PDE7B: variants seen among roughly 807,000 people sequenced by gnomAD.
PDE7B encodes 3',5'-cyclic-AMP phosphodiesterase 7B.
Under a neutral mutation model 56.2 loss-of-function variants are expected in PDE7B, and 29 were observed. The observed-to-expected ratio is 0.52, with a 90% CI of 0.38 to 0.70. The LOEUF is 0.70. PDE7B is among the 30% of genes least tolerant of loss of function. PDE7B has a pLI of 0.00. For synonymous variants in PDE7B, 197 were observed against 196.9 expected (o/e 1.00, Z 0.00); for missense variants, 490 against 565.0 (o/e 0.87, Z 1.35).
At chr6:135,948,078 A>T (rs921273846) in intron 2 of PDE7B, among the ~76,000 whole-genome samples, 4 of 151,996 alleles carry the variant, frequency 2.6e-5, no homozygotes, top group African/African-American at 4.8e-5. Flanking sequence ...CTTTTAATAT[A>T]TACTGTTAGG....
rs188732267 is a variant in PDE7B, at chr6:135,898,258, C to G, written c.21+46239C>G. On this transcript the variant is annotated intron_variant, in intron 1 of 12. Coordinates refer to ENST00000308191, the MANE Select transcript of PDE7B (RefSeq NM_018945.4). ...GTTTTCATTGTCTGCTAAAAGACTTCATGTAAACCCCAGAAGAAATTTATT... is the reference window on the plus strand; with the variant it reads ...GTTTTCATTGTCTGCTAAAAGACTTGATGTAAACCCCAGAAGAAATTTATT... 7.2e-3 allele frequency among the ~76,000 whole-genome samples: 1,103 copies of G among 152,252 alleles called. 11 individuals are homozygous for G. Among genetic ancestry groups the G allele is most frequent in the African/African-American group, 0.025 (1,041 of 41,548 alleles).
intron 8 of PDE7B, among the ~76,000 whole-genome samples, chr6:136,168,550 A>C (rs1778831888): frequency 6.6e-6 from 1 of 152,178 alleles, no homozygotes; most frequent in African/African-American, 2.4e-5. Context: ...AAATTTTGTC[A>C]AATAAACAGG....
intron 11 of PDE7B, among the ~76,000 whole-genome samples, chr6:136,185,584 C>T (rs1253086834): frequency 1.3e-5 from 2 of 151,730 alleles, no homozygotes; most frequent in East Asian, 3.9e-4. Flanking sequence ...GAGATCCTAT[C>T]TCTATTTAAA....
chr6:135,980,288 AT>A (rs1431926583), intron 2 of PDE7B, among the ~76,000 whole-genome samples: 5 of 152,200 alleles, frequency 3.3e-5, no homozygotes, highest in African/African-American at 1.2e-4. Flanking sequence ...ACAAAAATCA[AT>A]TCAAGATGGA....
At chr6:136,157,930 T>C (rs1360823612) in intron 8 of PDE7B, among the ~76,000 whole-genome samples, 3 of 152,198 alleles carry the variant, frequency 2.0e-5, no homozygotes, top group Non-Finnish European at 4.4e-5. Flanking sequence ...CTGATCAGTG[T>C]GTTGTGCATA....
intron 6 of PDE7B, 72 bp from the exon 7 acceptor site, chr6:136,154,003 C>T: frequency 2.1e-6 from 2 of 946,358 alleles, no homozygotes; most frequent in Non-Finnish European, 3.4e-6. Context: ...AAAAAGCACC[C>T]ACAGTAAGTC....
chr6:135,923,372 G>T (rs570436203), intron 1 of PDE7B, among the ~76,000 whole-genome samples: 6 of 151,930 alleles, frequency 3.9e-5, no homozygotes, highest in Non-Finnish European at 5.9e-5. Context: ...AATCTGTAAG[G>T]TATATAGAGA....
intron 1 of PDE7B, among the ~76,000 whole-genome samples, chr6:135,938,249 A>G (rs948408400): frequency 1.3e-5 from 2 of 152,212 alleles, no homozygotes; most frequent in African/African-American, 4.8e-5. Flanking sequence ...ATGACTGTAT[A>G]TAAGTGAAAT....
chr6:135,900,530 A>G (rs1331078321), intron 1 of PDE7B, among the ~76,000 whole-genome samples: 2 of 151,502 alleles, frequency 1.3e-5, no homozygotes, highest in Non-Finnish European at 2.9e-5. Context: ...TTTTCTTTCA[A>G]TTCTACCCTA....
At chr6:135,981,281 T>C (rs1386582092) in intron 2 of PDE7B, among the ~76,000 whole-genome samples, 2 of 95,988 alleles carry the variant, frequency 2.1e-5, no homozygotes, top group African/African-American at 8.1e-5. Context: ...GTGGGGACTG[T>C]TGTGGGGTGG....
At chr6:135,855,846 A>G (rs1158358752) in intron 1 of PDE7B, among the ~76,000 whole-genome samples, 1 of 152,192 alleles carries the variant, frequency 6.6e-6, no homozygotes, top group Non-Finnish European at 1.5e-5. Flanking sequence ...TGGTGTCAAC[A>G]TGGTAGGAAA....
chr6:136,008,103 A>G (rs1459735769), intron 2 of PDE7B, among the ~76,000 whole-genome samples: 1 of 150,964 alleles, frequency 6.6e-6, no homozygotes, highest in African/African-American at 2.4e-5. Flanking sequence ...TTGTCGTTGC[A>G]ATAGTTTGCT....
chr6:136,106,999 A>G (rs1414470246), intron 2 of PDE7B, among the ~76,000 whole-genome samples: 1 of 152,246 alleles, frequency 6.6e-6, no homozygotes, highest in Non-Finnish European at 1.5e-5. Flanking sequence ...TTTCATATCA[A>G]TATGGCAATG....
At chr6:136,064,509 G>T (rs1045761021) in intron 2 of PDE7B, 1 of 152,170 alleles carries the variant, frequency 6.6e-6, no homozygotes, top group Non-Finnish European at 1.5e-5. Flanking sequence ...CATGGAGACA[G>T]TTCCTCTCCT....
chr6:135,943,679 TA>T (rs1389727290), intron 1 of PDE7B, among the ~76,000 whole-genome samples: 4 of 152,184 alleles, frequency 2.6e-5, no homozygotes, highest in African/African-American at 4.8e-5. Flanking sequence ...GCTTAGCCCA[TA>T]ATGTGGGCAC....
At chr6:136,087,909 TAAATAAATA>T (rs1377634891) in intron 2 of PDE7B, among the ~76,000 whole-genome samples, 1 of 152,220 alleles carries the variant, frequency 6.6e-6, no homozygotes, top group Non-Finnish European at 1.5e-5. Flanking sequence ...CTTGGAAATT[TAAATAAATA>T]AAATAAATAA....
At chr6:136,034,170 T>C (rs2128209260) in intron 2 of PDE7B, 1 of 152,356 alleles carries the variant, frequency 6.6e-6, no homozygotes, top group African/African-American at 2.4e-5. Context: ...TTCTCTAGAA[T>C]TGTTAGAAAT....
intron 1 of PDE7B, among the ~76,000 whole-genome samples, chr6:135,870,624 T>C (rs1321032863): frequency 2.0e-5 from 3 of 151,628 alleles, no homozygotes; most frequent in Non-Finnish European, 4.4e-5. Flanking sequence ...TTCACTGAAT[T>C]AGGGAAGATC....
At chr6:136,122,178 G>C (rs1178599619) in intron 3 of PDE7B, among the ~76,000 whole-genome samples, 8 of 151,886 alleles carry the variant, frequency 5.3e-5, no homozygotes, top group Non-Finnish European at 1.5e-5. Flanking sequence ...TGTATTTTTA[G>C]TAGAGATGGG....
Sources: gnomAD v4.1 joint callset for allele counts (sites outside exome capture counted in the v4.1 genomes callset) on GRCh38, gnomAD v4.1.1 for gene constraint, MANE v1.5 for transcripts, NCBI Gene and HGNC (gene_info 2026-07-23, HGNC 2026-07-21) for gene names.